The following CCDC152 variants were observed in gnomAD, a reference collection of about 807,000 sequenced individuals.
The protein encoded by CCDC152 is coiled-coil domain containing 152, also known as coiled-coil domain-containing protein 152.
In CCDC152, 37 loss-of-function variants were observed where a neutral mutation model predicts 38.1. The observed-to-expected ratio is 0.97, with a 90% CI of 0.75 to 1.28. CCDC152 has a LOEUF of 1.28. Among genes scored for constraint, CCDC152 ranks in the 50% most tolerant of loss-of-function variants. CCDC152 has a pLI of 0.00. For synonymous variants in CCDC152, 83 were observed against 87.1 expected (o/e 0.95, Z 0.26); for missense variants, 259 against 292.1 (o/e 0.89, Z 0.83).
At chr5:42,761,567 A>T (rs1192542529) in intron 2 of CCDC152, among the ~76,000 whole-genome samples, 1 of 152,078 alleles carries the variant, frequency 6.6e-6, no homozygotes, top group Non-Finnish European at 1.5e-5. Flanking sequence ...GTGAGCCAAG[A>T]TTGCCCCACT....
intron 4 of CCDC152, 107 bp from the exon 5 acceptor site, chr5:42,779,351 G>A: frequency 1.5e-6 from 1 of 679,082 alleles, no homozygotes; most frequent in African/African-American, 1.8e-5. Flanking sequence ...GCTGCTGGAT[G>A]CATGTTTGTT....
intron 3 of CCDC152, among the ~76,000 whole-genome samples, chr5:42,763,691 A>G (rs1199241571): frequency 6.6e-6 from 1 of 152,236 alleles, no homozygotes; most frequent in Non-Finnish European, 1.5e-5. Flanking sequence ...AAAAATTCTC[A>G]TAGACATTAC....
chr5:42,801,437 G>T lies in CCDC152; in HGVS notation c.*1656G>T. 1 of 813,314 alleles carries T rather than the reference G, an allele frequency of 1.2e-6. No individual in the cohort carries two copies. Among genetic ancestry groups the T allele is most frequent in the Non-Finnish European group, 1.9e-6 (1 of 520,552 alleles). The allele number at this position is 813,314 out of a possible 1,614,324, so 50.4% of individuals were successfully genotyped here. ...ATGTGAAATTCCAACTAGTTAATTA[G>T]AATCGAGCTGGCTTTGTATTATATT... is the stretch of plus-strand genomic sequence containing the variant. On this transcript the variant is annotated 3_prime_UTR_variant, in exon 9 of 9. Transcript: ENST00000361970.
Position 42,799,895 on chromosome 5 carries a change from T to G in CCDC152, c.*114T>G, listed in dbSNP as rs926688193. The G allele has an allele frequency of 8.7e-7, 1 of 1,146,644 alleles. No homozygotes were observed. 71.0% of individuals were successfully genotyped at this position (1,146,644 alleles called of 1,614,324 possible). On this transcript the variant is annotated 3_prime_UTR_variant, in exon 9 of 9. Coordinates refer to ENST00000361970, the MANE Select transcript of CCDC152 (RefSeq NM_001134848.2). Reference sequence around the variant, plus strand: ...ACAAACGAAGTCAGCTTTAAGGTTTTTATTGAATTTATTTGGACAAATCCG... The same window carrying G: ...ACAAACGAAGTCAGCTTTAAGGTTTGTATTGAATTTATTTGGACAAATCCG...
intron 6 of CCDC152, among the ~76,000 whole-genome samples, chr5:42,790,892 G>A (rs1051375632): frequency 2.6e-5 from 4 of 152,086 alleles, no homozygotes; most frequent in Admixed American, 6.6e-5. Flanking sequence ...TATGCTCTCC[G>A]AAATTGGAGA....
intron 4 of CCDC152, among the ~76,000 whole-genome samples, chr5:42,776,533 C>T (rs1390702260): frequency 6.6e-6 from 1 of 152,122 alleles, no homozygotes; most frequent in Non-Finnish European, 1.5e-5. Context: ...AGTAAGGACA[C>T]AGTTGAAATC....
intron 3 of CCDC152, among the ~76,000 whole-genome samples, chr5:42,766,350 G>A (rs74345077): frequency 2.5e-3 from 387 of 152,210 alleles, no homozygotes; most frequent in Non-Finnish European, 4.1e-3. Flanking sequence ...ATGAAGAACA[G>A]CCTGGAGGCT....
chr5:42,757,782 G>A (rs1379104911), intron 1 of CCDC152, among the ~76,000 whole-genome samples: 1 of 152,132 alleles, frequency 6.6e-6, no homozygotes, highest in Non-Finnish European at 1.5e-5. Context: ...GGAAGGAGTT[G>A]AGAGAAAATC....
rs779679796 is a variant in CCDC152 at position 42,801,258 on chromosome 5, G to A, written c.*1477G>A. On this transcript the variant is annotated 3_prime_UTR_variant, in exon 9 of 9. Transcript: ENST00000361970. ...GTGATGATGCTCATGATGGTAATGA[G>A]GCGATGGAGTTTCAACTGTTTTATC... 1.2e-6 allele frequency: 2 copies of A among 1,614,100 alleles called. No homozygotes were observed. The highest frequency in any genetic ancestry group is 1.7e-6 in the Non-Finnish European group (2 of 1,180,008).
intron 2 of CCDC152, 138 bp from the exon 3 acceptor site, chr5:42,762,305 A>G: frequency 1.7e-6 from 1 of 579,368 alleles, no homozygotes. Flanking sequence ...TTTATGCAGT[A>G]CATGACTGTA....
Position 42,800,753 on chromosome 5 carries a change from AT to A in CCDC152, c.*974del. The stretch of plus-strand genomic sequence containing the variant: ...AAGGTCATTCTCACTTTTTTGCCTG[AT>A]TCTTTCAGCGTCAACTGGCACTGGC... On this transcript the variant is annotated 3_prime_UTR_variant, in exon 9 of 9. Transcript: ENST00000361970. 1 of 1,607,070 alleles carries A rather than the reference AT, an allele frequency of 6.2e-7. No homozygotes were observed. Among genetic ancestry groups the A allele is most frequent in the South Asian group, 1.1e-5 (1 of 90,322 alleles).
intron 4 of CCDC152, among the ~76,000 whole-genome samples, chr5:42,775,898 T>C (rs1759762528): frequency 6.7e-6 from 1 of 149,008 alleles, no homozygotes; most frequent in Admixed American, 6.7e-5. Context: ...ATATTGCAAA[T>C]TCTAGGACAA....
intron 4 of CCDC152, among the ~76,000 whole-genome samples, chr5:42,776,347 G>A (rs2111558841): frequency 6.6e-6 from 1 of 152,190 alleles, no homozygotes. Flanking sequence ...AGGATAAAAA[G>A]GGGTATTACA....
rs1760199094 is a variant in CCDC152, at chr5:42,801,398, T to C, written c.*1617T>C. On this transcript the variant is annotated 3_prime_UTR_variant, in exon 9 of 9. Coordinates refer to ENST00000361970, the MANE Select transcript of CCDC152 (RefSeq NM_001134848.2). ...GATAGGAATAATGCGTGAAAAATGA[T>C]TTGTAGAGCTAACATGTGAAATTCC... 1 of 1,196,156 alleles carries C rather than the reference T, an allele frequency of 8.4e-7. No individual in the cohort carries two copies. The highest frequency in any genetic ancestry group is 1.5e-5 in the African/African-American group (1 of 65,742). The allele number at this position is 1,196,156 out of a possible 1,614,324, so 74.1% of individuals were successfully genotyped here.
intron 6 of CCDC152, among the ~76,000 whole-genome samples, chr5:42,783,962 T>C (rs1759883703): frequency 6.6e-6 from 1 of 152,198 alleles, no homozygotes; most frequent in Non-Finnish European, 1.5e-5. Context: ...ATGGTGTATA[T>C]ATACCACATT....
chr5:42,783,330 A>T (rs1316567411), intron 5 of CCDC152, 144 bp from the exon 6 acceptor site: 1 of 246,314 alleles, frequency 4.1e-6, no homozygotes, highest in Non-Finnish European at 7.3e-6. Context: ...TTACATTTAT[A>T]GTAACTTTTA....
intron 6 of CCDC152, among the ~76,000 whole-genome samples, chr5:42,795,182 G>A (rs1484695359): frequency 6.6e-6 from 1 of 152,032 alleles, no homozygotes; most frequent in East Asian, 1.9e-4. Flanking sequence ...CAAAACTATA[G>A]AAAGATTTAA....
chr5:42,764,818 T>C (rs962371113), intron 3 of CCDC152, among the ~76,000 whole-genome samples: 4 of 152,150 alleles, frequency 2.6e-5, no homozygotes, highest in African/African-American at 9.7e-5. Flanking sequence ...GCTAGTACCA[T>C]ACTGAATGGG....
chr5:42,764,751 A>G (rs931396626), intron 3 of CCDC152, among the ~76,000 whole-genome samples: 1 of 152,200 alleles, frequency 6.6e-6, no homozygotes, highest in African/African-American at 2.4e-5. Context: ...CCCTCAAAAA[A>G]CTGAGATAGA....
Sources: gnomAD v4.1 joint callset for allele counts (sites outside exome capture counted in the v4.1 genomes callset) on GRCh38, gnomAD v4.1.1 for gene constraint, MANE v1.5 for transcripts, NCBI Gene and HGNC (gene_info 2026-07-23, HGNC 2026-07-21) for gene names.